PARD3: variants seen among roughly 807,000 people sequenced by gnomAD.
PARD3 encodes par-3 family cell polarity regulator.
In PARD3, 75 loss-of-function variants were observed where a neutral mutation model predicts 155.4. The observed-to-expected ratio is 0.48, with a 90% CI of 0.40 to 0.58. The LOEUF is 0.58. Among genes scored for constraint, PARD3 ranks in the 20% least tolerant of loss-of-function variants. PARD3 has a pLI of 0.00. For synonymous variants in PARD3, 576 were observed against 610.5 expected (o/e 0.94, Z 0.83); for missense variants, 1,642 against 1,721.7 (o/e 0.95, Z 0.82).
intron 5 of PARD3, among the ~76,000 whole-genome samples, chr10:34,445,913 A>G (rs1164071784): frequency 9.2e-5 from 14 of 152,028 alleles, no homozygotes; most frequent in Admixed American, 3.3e-4. Context: ...TGTTTCAGGG[A>G]AGGTAAAGAA....
intron 1 of PARD3, among the ~76,000 whole-genome samples, chr10:34,723,483 C>T (rs2094642802): frequency 6.6e-6 from 1 of 152,096 alleles, no homozygotes; most frequent in Admixed American, 6.6e-5. Context: ...AAGCATAGTG[C>T]CTTTGACTTC....
At chr10:34,661,815 C>T (rs993601472) in intron 2 of PARD3, among the ~76,000 whole-genome samples, 3 of 152,196 alleles carry the variant, frequency 2.0e-5, no homozygotes, top group Non-Finnish European at 4.4e-5. Flanking sequence ...AGATAAGAGG[C>T]TCTGACTTTG....
chr10:34,469,770 CAAGA>C (rs2078233896), intron 4 of PARD3, among the ~76,000 whole-genome samples: 1 of 152,024 alleles, frequency 6.6e-6, no homozygotes, highest in Non-Finnish European at 1.5e-5. Flanking sequence ...GGAGACACAG[CAAGA>C]AAGGGACTTT....
At chr10:34,498,033 C>T (rs947118755) in intron 3 of PARD3, among the ~76,000 whole-genome samples, 5 of 152,020 alleles carry the variant, frequency 3.3e-5, no homozygotes, top group Non-Finnish European at 5.9e-5. Context: ...CCTCAAAGAA[C>T]TTCTTATATT....
intron 20 of PARD3, among the ~76,000 whole-genome samples, chr10:34,306,852 A>C (rs1367731119): frequency 1.3e-5 from 2 of 152,100 alleles, no homozygotes; most frequent in East Asian, 3.9e-4. Flanking sequence ...CCCCCAACAG[A>C]AGTTTCCAGC....
At chr10:34,515,744 A>C (rs1322713174) in intron 3 of PARD3, among the ~76,000 whole-genome samples, 6 of 152,200 alleles carry the variant, frequency 3.9e-5, no homozygotes, top group Admixed American at 1.3e-4. Context: ...AATGCAAAAA[A>C]AGGGAATTAG....
At chr10:34,350,654 A>T (rs371919831) in intron 14 of PARD3, among the ~76,000 whole-genome samples, 15 of 151,236 alleles carry the variant, frequency 9.9e-5, no homozygotes, top group African/African-American at 3.7e-4. Flanking sequence ...GGGGGGTGGT[A>T]GAATTAAGCT....
chr10:34,558,999 C>A (rs1031691832), intron 2 of PARD3, among the ~76,000 whole-genome samples: 15 of 152,220 alleles, frequency 9.9e-5, no homozygotes, highest in Middle Eastern at 3.4e-3. Context: ...CAAATCCACA[C>A]ATTTTTCTAG....
At chr10:34,381,912 CAAAAAAAAAAAAAA>C (rs202053812) in intron 9 of PARD3, among the ~76,000 whole-genome samples, 37,196 of 72,806 alleles carry the variant, frequency 0.51, 5,578 homozygotes, top group Middle Eastern at 0.61. Flanking sequence ...GGCCCTGTCT[CAAAAAAAAAAAAAA>C]AAAAAAAAAA....
At chr10:34,757,677 C>A (rs11009921) in intron 1 of PARD3, among the ~76,000 whole-genome samples, 2 of 150,414 alleles carry the variant, frequency 1.3e-5, no homozygotes, top group East Asian at 3.9e-4. Flanking sequence ...TGCCACTGGG[C>A]GAAACCTGTC....
Position 34,450,444 on chromosome 10 carries a change from T to C in PARD3, c.587A>G (p.Asp196Gly), listed in dbSNP as rs1462396717. The C allele has an allele frequency of 1.7e-5, 27 of 1,606,452 alleles. No individual in the cohort carries two copies. In the Admixed American group the frequency reaches 4.1e-4, roughly 25 times the overall value. Residue 196 changes from aspartate (D) to glycine (G), a missense_variant, in exon 5 of 25, where the codon GAT becomes GGT. By Grantham distance (94) the Asp-to-Gly change is moderately conservative. Transcript: ENST00000374788. ...CCGCGGGAGGCTTCTGTAGTTTTCA[T>C]CTTTCTATTCAAAAAGAAACAAAAA... ...GSPKTCDRKKDENYRSLPRDT... is the reference protein window; with the variant it reads ...GSPKTCDRKKGENYRSLPRDT...
chr10:34,384,973 G>C (rs1171623821), intron 7 of PARD3, among the ~76,000 whole-genome samples: 1 of 152,158 alleles, frequency 6.6e-6, no homozygotes, highest in Non-Finnish European at 1.5e-5. Flanking sequence ...AAGTGTGAAT[G>C]ACCTTTGAGA....
chr10:34,559,217 T>C (rs557951917), intron 2 of PARD3, among the ~76,000 whole-genome samples: 1 of 152,280 alleles, frequency 6.6e-6, no homozygotes, highest in East Asian at 1.9e-4. Context: ...TTTGATTGAA[T>C]TGATCTTATT....
At chr10:34,684,774 TACATACACACACACAC>T (rs1184659891) in intron 2 of PARD3, among the ~76,000 whole-genome samples, 1 of 109,132 alleles carries the variant, frequency 9.2e-6, no homozygotes, top group African/African-American at 3.6e-5. Flanking sequence ...GGCTTGATGA[TACATACACACACACAC>T]ACACACACAC....
intron 22 of PARD3, among the ~76,000 whole-genome samples, chr10:34,151,055 A>C (rs1290328718): frequency 6.6e-6 from 1 of 152,208 alleles, no homozygotes; most frequent in Non-Finnish European, 1.5e-5. Flanking sequence ...TAGTTAATGC[A>C]GTTTCTAAGG....
rs552643555 is a variant in PARD3, at chr10:34,478,532, G to A, written c.404-8269C>T. On this transcript the variant is annotated intron_variant, in intron 3 of 24. Coordinates refer to ENST00000374788, the MANE Select transcript of PARD3 (RefSeq NM_001184785.2). Reference sequence around the variant, plus strand: ...ACATAAGGAGGGAAAATAAAGTCAAGGGGAAAAAAACATATGCAATTTTCT... The same window carrying A: ...ACATAAGGAGGGAAAATAAAGTCAAAGGGAAAAAAACATATGCAATTTTCT... 2.6e-5 allele frequency among the ~76,000 whole-genome samples: 4 copies of A among 152,248 alleles called. No homozygotes were observed. In the South Asian group the frequency reaches 8.3e-4, roughly 32 times the overall value.
At chr10:34,714,844 G>C (rs2094496211) in intron 1 of PARD3, among the ~76,000 whole-genome samples, 1 of 147,240 alleles carries the variant, frequency 6.8e-6, no homozygotes. Context: ...GTGCATTCTT[G>C]GTTCACTGCA....
At chr10:34,814,358 C>A (rs915309986) in intron 1 of PARD3, among the ~76,000 whole-genome samples, 1 of 152,104 alleles carries the variant, frequency 6.6e-6, no homozygotes, top group African/African-American at 2.4e-5. Flanking sequence ...CGCTGTTCCG[C>A]CCCCGCCCGA....
At chr10:34,812,749 C>T (rs1474340046) in intron 1 of PARD3, among the ~76,000 whole-genome samples, 8 of 152,162 alleles carry the variant, frequency 5.3e-5, no homozygotes, top group Non-Finnish European at 5.9e-5. Flanking sequence ...TGACCCATCT[C>T]TGACCCTCCC....
Sources: allele counts gnomAD v4.1 joint callset (sites outside exome capture counted in the v4.1 genomes callset), GRCh38; gene constraint gnomAD v4.1.1; transcripts MANE v1.5; gene names NCBI Gene and HGNC (gene_info 2026-07-23, HGNC 2026-07-21).